DAB1: variants seen among roughly 807,000 people sequenced by gnomAD.
DAB1 encodes DAB adaptor protein 1.
DAB1 carries 15 observed loss-of-function variants against 64.6 expected under a neutral mutation model. That is an observed-to-expected ratio of 0.23 (90% CI 0.16 to 0.36). DAB1 has a LOEUF of 0.36. DAB1 is among the 10% of genes least tolerant of loss of function. The pLI is 1.00. For synonymous variants in DAB1, 235 were observed against 251.9 expected (o/e 0.93, Z 0.64); for missense variants, 596 against 706.7 (o/e 0.84, Z 1.78).
chr1:57,587,053 C>T (rs1318489151), intron 7 of DAB1, among the ~76,000 whole-genome samples: 1 of 152,154 alleles, frequency 6.6e-6, no homozygotes, highest in Non-Finnish European at 1.5e-5. Context: ...TGCTAGAATG[C>T]CATCAACTTC....
chr1:57,954,451 G>T (rs1488552908), intron 5 of DAB1, among the ~76,000 whole-genome samples: 1 of 152,138 alleles, frequency 6.6e-6, no homozygotes, highest in Non-Finnish European at 1.5e-5. Context: ...GAAGTGGTAG[G>T]TCCAGGAGTT....
At chr1:57,726,379 T>C (rs550840191) in intron 6 of DAB1, among the ~76,000 whole-genome samples, 1 of 152,196 alleles carries the variant, frequency 6.6e-6, no homozygotes, top group East Asian at 1.9e-4. Flanking sequence ...AGGAAAGCCT[T>C]TCATTGAATG....
At chr1:57,658,493 C>G (rs924103232) in intron 6 of DAB1, among the ~76,000 whole-genome samples, 5 of 151,334 alleles carry the variant, frequency 3.3e-5, no homozygotes, top group Non-Finnish European at 4.4e-5. Context: ...TTAGTAGAGA[C>G]GGGGTTTCAC....
At chr1:57,121,288 C>T (rs963146662) in intron 4 of DAB1, among the ~76,000 whole-genome samples, 32 of 151,990 alleles carry the variant, frequency 2.1e-4, no homozygotes, top group African/African-American at 7.2e-4. Context: ...TATTTGCTAT[C>T]CAATGGCTTT....
intron 6 of DAB1, among the ~76,000 whole-genome samples, chr1:57,758,785 G>A (rs115854618): frequency 0.025 from 3,777 of 151,960 alleles, 82 homozygotes; most frequent in Non-Finnish European, 0.042. Flanking sequence ...CAAAACACCT[G>A]ACTGTCTTCT....
At chr1:58,324,533 G>T (rs1436101131) in intron 4 of DAB1, among the ~76,000 whole-genome samples, 1 of 152,148 alleles carries the variant, frequency 6.6e-6, no homozygotes, top group Non-Finnish European at 1.5e-5. Flanking sequence ...GCCATCCCCA[G>T]TTGAGCAAGC....
intron 5 of DAB1, among the ~76,000 whole-genome samples, chr1:58,070,563 G>A (rs1347397345): frequency 6.6e-6 from 1 of 152,190 alleles, no homozygotes; most frequent in African/African-American, 2.4e-5. Flanking sequence ...TTGGAACTGT[G>A]TTCTAGAAAT....
At chr1:57,600,582 T>TG (rs1229129479) in intron 7 of DAB1, among the ~76,000 whole-genome samples, 2 of 152,168 alleles carry the variant, frequency 1.3e-5, no homozygotes, top group Non-Finnish European at 2.9e-5. Context: ...GGGGTCGGGA[T>TG]GGGTTAAGGC....
chr1:57,249,883 C>T (rs958655377), intron 2 of DAB1, among the ~76,000 whole-genome samples: 4 of 152,194 alleles, frequency 2.6e-5, no homozygotes, highest in African/African-American at 9.7e-5. Flanking sequence ...CTATTGTTTT[C>T]AGATTAAAAC....
chr1:57,212,282 C>G (rs1026831200), intron 2 of DAB1, among the ~76,000 whole-genome samples: 1 of 149,082 alleles, frequency 6.7e-6, no homozygotes, highest in African/African-American at 2.5e-5. Context: ...GAGAAAGGGG[C>G]TGGATAAAGA....
At chr1:57,870,972 A>G (rs949273750) in intron 1 of DAB1, among the ~76,000 whole-genome samples, 2 of 152,200 alleles carry the variant, frequency 1.3e-5, no homozygotes, top group Admixed American at 1.3e-4. Context: ...CGTTTAGTAT[A>G]GCACCCCAAA....
At chr1:57,739,535 C>G (rs899530073) in intron 6 of DAB1, among the ~76,000 whole-genome samples, 1 of 144,292 alleles carries the variant, frequency 6.9e-6, no homozygotes, top group Non-Finnish European at 1.5e-5. Flanking sequence ...CAACCTCCCC[C>G]TCCCAGGTTC....
At chr1:57,545,806 C>T (rs1013167825) in intron 7 of DAB1, among the ~76,000 whole-genome samples, 2 of 152,202 alleles carry the variant, frequency 1.3e-5, no homozygotes, top group Non-Finnish European at 2.9e-5. Context: ...GGACTGTACA[C>T]TCCTGGAAGA....
chr1:58,118,677 T>C (rs1189044204), intron 5 of DAB1, among the ~76,000 whole-genome samples: 1 of 146,812 alleles, frequency 6.8e-6, no homozygotes, highest in Non-Finnish European at 1.5e-5. Flanking sequence ...TACATATATA[T>C]ACATATATAT....
intron 6 of DAB1, among the ~76,000 whole-genome samples, chr1:57,768,647 T>C (rs910689041): frequency 1.3e-5 from 2 of 151,248 alleles, no homozygotes; most frequent in African/African-American, 4.8e-5. Flanking sequence ...AGCTTGTGAG[T>C]TTGATATACA....
rs569346508 is a variant in DAB1 at position 58,049,947 on chromosome 1, G to A, written n.387+100564C>T. 1.4e-4 allele frequency among the ~76,000 whole-genome samples: 21 copies of A among 152,218 alleles called. 1 individual carries two copies. The highest frequency in any genetic ancestry group is 4.1e-4 in the African/African-American group (17 of 41,544). ...TAGTGTTTGAAAAGGGGGCATGCAG[G>A]AAACCATGAAGGCATGAAGTTGGGA... is the stretch of plus-strand genomic sequence containing the variant. On this transcript the variant is annotated intron_variant and non_coding_transcript_variant, in intron 5 of 20. Coordinates refer to the DAB1 transcript ENST00000485760.
chr1:57,798,920 T>C (rs1650997671), intron 6 of DAB1, among the ~76,000 whole-genome samples: 2 of 152,226 alleles, frequency 1.3e-5, no homozygotes, highest in Non-Finnish European at 2.9e-5. Context: ...ATGGAAAGTT[T>C]ATTTTTGTCA....
intron 1 of DAB1, among the ~76,000 whole-genome samples, chr1:57,396,563 A>G (rs867213257): frequency 6.6e-6 from 1 of 152,208 alleles, no homozygotes; most frequent in African/African-American, 2.4e-5. Flanking sequence ...TTATCCAGAG[A>G]TATCACACTG....
intron 9 of DAB1, among the ~76,000 whole-genome samples, chr1:57,043,343 CAA>C (rs1648039977): frequency 6.6e-6 from 1 of 152,208 alleles, no homozygotes; most frequent in Non-Finnish European, 1.5e-5. Context: ...CCTAGATGCT[CAA>C]GTCACAAGCT....
Sources: gnomAD v4.1 joint callset for allele counts (sites outside exome capture counted in the v4.1 genomes callset) on GRCh38, gnomAD v4.1.1 for gene constraint, MANE v1.5 for transcripts, NCBI Gene and HGNC (gene_info 2026-07-23, HGNC 2026-07-21) for gene names.